Variants in COL23A1 observed in about 807,000 individuals in gnomAD.
COL23A1 encodes the protein collagen type XXIII alpha 1 chain.
Under a neutral mutation model 99.3 loss-of-function variants are expected in COL23A1, and 97 were observed. The observed-to-expected ratio is 0.98, with a 90% CI of 0.83 to 1.16. The LOEUF is 1.16. Ranked by LOEUF, COL23A1 falls within the 50% of genes most tolerant of loss-of-function variation. The probability of loss-of-function intolerance (pLI) is 0.00; values close to 1 mark genes in which losing one functional copy is unlikely to be tolerated. For synonymous variants in COL23A1, 320 were observed against 308.2 expected (o/e 1.04, Z -0.40); for missense variants, 762 against 757.4 (o/e 1.01, Z -0.07).
intron 2 of COL23A1, among the ~76,000 whole-genome samples, chr5:178,367,819 TC>T (rs961894232): frequency 2.0e-5 from 3 of 152,190 alleles, no homozygotes; most frequent in African/African-American, 7.2e-5. Flanking sequence ...TACACGTGAG[TC>T]CAGGCTTCCC....
intron 2 of COL23A1, among the ~76,000 whole-genome samples, chr5:178,397,521 G>T (rs1428933061): frequency 1.3e-5 from 2 of 152,222 alleles, no homozygotes; most frequent in African/African-American, 4.8e-5. Flanking sequence ...AGTGCCCCCA[G>T]ACACACCTGC....
chr5:178,242,037 C>T lies in COL23A1; in HGVS notation c.1581+5G>A, dbSNP rs1311411026. ...CCTGGGGCAGGGCCCTCCTCCGACA[C>T]CTACCACGGGACACGGCTGGTCCAG... is the stretch of plus-strand genomic sequence containing the variant. On this transcript the variant is annotated splice_donor_5th_base_variant and intron_variant, in intron 27 of 28. Transcript: ENST00000390654. 6.4e-7 allele frequency: 1 copy of T among 1,552,984 alleles called. No individual in the cohort carries two copies. Among genetic ancestry groups the T allele is most frequent in the South Asian group, 1.2e-5 (1 of 84,186 alleles).
chr5:178,507,135 C>T (rs1173562173), intron 2 of COL23A1, among the ~76,000 whole-genome samples: 1 of 152,204 alleles, frequency 6.6e-6, no homozygotes, highest in Non-Finnish European at 1.5e-5. Context: ...CTCCTATTTC[C>T]TCCTTTTTCT....
intron 15 of COL23A1, 89 bp downstream of exon 15, chr5:178,256,264 T>C: frequency 1.1e-6 from 1 of 906,852 alleles, no homozygotes; most frequent in Non-Finnish European, 1.6e-6. Context: ...CCACTGCTCC[T>C]CTGGGGTCTC....
intron 2 of COL23A1, among the ~76,000 whole-genome samples, chr5:178,542,986 C>T (rs1315311928): frequency 6.6e-6 from 1 of 152,196 alleles, no homozygotes; most frequent in East Asian, 1.9e-4. Context: ...ACAATACTGA[C>T]ATCCTAGGGC....
intron 2 of COL23A1, among the ~76,000 whole-genome samples, chr5:178,525,912 C>T (rs1198861079): frequency 2.0e-5 from 3 of 152,288 alleles, no homozygotes; most frequent in Admixed American, 6.5e-5. Flanking sequence ...ACCTCATCAG[C>T]TGCCTTAGGA....
chr5:178,426,528 G>A (rs918980552), intron 2 of COL23A1, among the ~76,000 whole-genome samples: 10 of 152,152 alleles, frequency 6.6e-5, no homozygotes, highest in East Asian at 1.9e-4. Flanking sequence ...GCTGCCATCC[G>A]GGCGCAGATC....
rs896558091 is a variant in COL23A1, at chr5:178,434,046, C to T, written c.361+126636G>A. 2.0e-5 allele frequency among the ~76,000 whole-genome samples: 3 copies of T among 152,188 alleles called. No homozygotes were observed. The highest frequency in any genetic ancestry group is 2.0e-4 in the Admixed American group (3 of 15,278). ...CCACACCTTGATCTCAGAGCTCCAG[C>T]CTCCGGGCCTGAGAAAATAAATGTC... On this transcript the variant is annotated intron_variant, in intron 2 of 28. Transcript: ENST00000390654. This position sits in a 1 kb window ranked among gnomAD's most constrained non-coding sequence, Gnocchi z 4.3.
At chr5:178,336,440 A>T (rs528802926) in intron 2 of COL23A1, among the ~76,000 whole-genome samples, 1 of 152,372 alleles carries the variant, frequency 6.6e-6, no homozygotes, top group Admixed American at 6.5e-5. Flanking sequence ...ATGCTATGAC[A>T]TGGATAAACC....
At chr5:178,394,892 G>A (rs1348266256) in intron 2 of COL23A1, among the ~76,000 whole-genome samples, 1 of 151,256 alleles carries the variant, frequency 6.6e-6, no homozygotes. Context: ...TTCCGGCCCC[G>A]GCTGTCCTCC....
chr5:178,289,937 T>C (rs1489847532), intron 4 of COL23A1, among the ~76,000 whole-genome samples: 1 of 152,204 alleles, frequency 6.6e-6, no homozygotes. Context: ...GTTTTTGTTT[T>C]TGTGTTTGAG....
intron 8 of COL23A1, among the ~76,000 whole-genome samples, chr5:178,266,949 C>A (rs944653403): frequency 3.3e-5 from 5 of 152,266 alleles, no homozygotes; most frequent in Admixed American, 3.3e-4. Context: ...GGTGGCAGAG[C>A]TGAGCTTTGA....
intron 2 of COL23A1, among the ~76,000 whole-genome samples, chr5:178,493,368 T>C (rs181524292): frequency 1.5e-4 from 23 of 152,368 alleles, no homozygotes; most frequent in African/African-American, 5.3e-4. Flanking sequence ...TGCTTTGTAG[T>C]GGCCTCAGGG....
chr5:178,473,224 C>T lies in COL23A1; in HGVS notation c.361+87458G>A, dbSNP rs556735033. On this transcript the variant is annotated intron_variant, in intron 2 of 28. Coordinates refer to ENST00000390654, the MANE Select transcript of COL23A1 (RefSeq NM_173465.4). ...TATTTACATAGCTTTCACACTGTAT[C>T]AGGTATTATAAGTAATCTAGAGACT... Among the ~76,000 whole-genome samples, 5 of 152,220 alleles carry T rather than the reference C, an allele frequency of 3.3e-5. No individual in the cohort carries two copies. The South Asian group carries it at 8.3e-4, about 25-fold the overall frequency.
At chr5:178,548,742 G>A (rs1170925427) in intron 2 of COL23A1, among the ~76,000 whole-genome samples, 1 of 152,084 alleles carries the variant, frequency 6.6e-6, no homozygotes, top group Non-Finnish European at 1.5e-5. Flanking sequence ...TTTGTTGTAT[G>A]TGTTGAAATT....
chr5:178,331,480 C>T (rs1212984300), intron 2 of COL23A1, among the ~76,000 whole-genome samples: 1 of 152,216 alleles, frequency 6.6e-6, no homozygotes, highest in African/African-American at 2.4e-5. Context: ...TGTTGTGAGG[C>T]TCATATGATG....
At chr5:178,585,750 G>GCACTGGATGGCGCTGGGGTAA (rs1554201772) in intron 1 of COL23A1, among the ~76,000 whole-genome samples, 1 of 151,962 alleles carries the variant, frequency 6.6e-6, no homozygotes, top group Admixed American at 6.6e-5. Flanking sequence ...GGCTGACCCT[G>GCACTGGATGGCGCTGGGGTAA]TTGGTTGCTC....
chr5:178,247,198 C>A (rs1194103507), intron 22 of COL23A1, among the ~76,000 whole-genome samples: 1 of 152,000 alleles, frequency 6.6e-6, no homozygotes. Flanking sequence ...GAGGTGGGGA[C>A]AGTGCAAGGA....
Position 178,589,086 on chromosome 5 carries a change from G to T in COL23A1, c.294+818C>A, listed in dbSNP as rs1001094394. Among the ~76,000 whole-genome samples the T allele has an allele frequency of 6.6e-6, 1 of 152,166 alleles. No individual in the cohort carries two copies. Among genetic ancestry groups the T allele is most frequent in the African/African-American group, 2.4e-5 (1 of 41,444 alleles). On this transcript the variant is annotated intron_variant, in intron 1 of 28. Transcript: ENST00000390654. This position sits in a 1 kb window ranked among gnomAD's most constrained non-coding sequence, Gnocchi z 5.4. ...GCTTTGACCAACATGCTGGGTGAGG[G>T]CTTGGAGGACCCAAAGGTGGCTCTT...
Sources: gnomAD v4.1 joint callset for allele counts (sites outside exome capture counted in the v4.1 genomes callset) on GRCh38, gnomAD v4.1.1 for gene constraint, Gnocchi (gnomAD v3.1) non-coding constraint, MANE v1.5 for transcripts, NCBI Gene and HGNC (gene_info 2026-07-23, HGNC 2026-07-21) for gene names.